RCAN2: variants seen among roughly 807,000 people sequenced by gnomAD.
RCAN2 encodes calcipressin-2.
Under a neutral mutation model 23.6 loss-of-function variants are expected in RCAN2, and 9 were observed. The observed-to-expected ratio is 0.38, with a 90% CI of 0.23 to 0.67. RCAN2 has a LOEUF of 0.67. Among genes scored for constraint, RCAN2 ranks in the 30% least tolerant of loss-of-function variants. The pLI, the probability that RCAN2 is intolerant of heterozygous loss-of-function variation, is 0.51. For missense variants in RCAN2, 273 were observed against 302.3 expected (o/e 0.90, Z 0.72); for synonymous variants, 109 against 115.7 (o/e 0.94, Z 0.37).
intron 2 of RCAN2, among the ~76,000 whole-genome samples, chr6:46,270,325 C>T (rs141614483): frequency 6.6e-6 from 1 of 152,282 alleles, no homozygotes; most frequent in East Asian, 1.9e-4. Flanking sequence ...TGGGCCTCCG[C>T]ACCATCTGGA....
intron 2 of RCAN2, among the ~76,000 whole-genome samples, chr6:46,449,069 A>G (rs1484770934): frequency 6.6e-6 from 1 of 151,876 alleles, no homozygotes; most frequent in Admixed American, 6.6e-5. Context: ...GATCTTATAC[A>G]TAGAAAACCC....
chr6:46,315,247 A>G (rs1195612982), intron 2 of RCAN2, among the ~76,000 whole-genome samples: 1 of 152,186 alleles, frequency 6.6e-6, no homozygotes, highest in African/African-American at 2.4e-5. Flanking sequence ...ATGCATCTCT[A>G]GGGATGCAGC....
At chr6:46,436,504 C>G (rs9463203) in intron 2 of RCAN2, among the ~76,000 whole-genome samples, 1 of 152,030 alleles carries the variant, frequency 6.6e-6, no homozygotes, top group Non-Finnish European at 1.5e-5. Flanking sequence ...CATGAGCCAC[C>G]GTGCCGGGCC....
intron 2 of RCAN2, among the ~76,000 whole-genome samples, chr6:46,346,818 C>G (rs1170430894): frequency 6.6e-6 from 1 of 151,654 alleles, no homozygotes; most frequent in East Asian, 1.9e-4. Flanking sequence ...CCTATAATAA[C>G]AGTAGGGAGA....
At chr6:46,264,223 T>A (rs961567848) in intron 2 of RCAN2, among the ~76,000 whole-genome samples, 21 of 152,366 alleles carry the variant, frequency 1.4e-4, no homozygotes, top group African/African-American at 4.8e-4. Context: ...ATTAAAGGGC[T>A]AAATCCTAAA....
At chr6:46,481,531 G>GATT (rs983194090) in intron 1 of RCAN2, among the ~76,000 whole-genome samples, 1 of 152,056 alleles carries the variant, frequency 6.6e-6, no homozygotes, top group Non-Finnish European at 1.5e-5. Context: ...TTCTTACTCT[G>GATT]ATTATTATTA....
chr6:46,316,493 A>C (rs1043966133), intron 2 of RCAN2, among the ~76,000 whole-genome samples: 1 of 152,186 alleles, frequency 6.6e-6, no homozygotes, highest in East Asian at 1.9e-4. Context: ...GCCCTACGTC[A>C]GCAAAGGAAG....
intron 2 of RCAN2, among the ~76,000 whole-genome samples, chr6:46,291,204 A>C (rs566255748): frequency 1.3e-4 from 20 of 152,264 alleles, no homozygotes; most frequent in African/African-American, 4.8e-4. Context: ...ATATCTTAAA[A>C]ACTCAACCAC....
intron 2 of RCAN2, among the ~76,000 whole-genome samples, chr6:46,292,310 T>G (rs572567570): frequency 1.3e-5 from 2 of 152,346 alleles, no homozygotes; most frequent in South Asian, 2.1e-4. Context: ...TTATTTCAAC[T>G]TTTTAAAAGA....
At chr6:46,245,450 T>C (rs939390131) in intron 4 of RCAN2, among the ~76,000 whole-genome samples, 2 of 152,140 alleles carry the variant, frequency 1.3e-5, no homozygotes, top group Non-Finnish European at 2.9e-5. Flanking sequence ...GCAGTGAAGG[T>C]CCTATGGCCA....
chr6:46,304,284 A>C (rs1286344541), intron 2 of RCAN2, among the ~76,000 whole-genome samples: 1 of 152,028 alleles, frequency 6.6e-6, no homozygotes, highest in African/African-American at 2.4e-5. Context: ...TTTTTCTCTT[A>C]CTGATTTTCA....
intron 2 of RCAN2, among the ~76,000 whole-genome samples, chr6:46,257,150 G>C (rs1766948059): frequency 6.6e-6 from 1 of 152,156 alleles, no homozygotes; most frequent in Non-Finnish European, 1.5e-5. Flanking sequence ...TCAATCAATA[G>C]CTTTCAGCAG....
At chr6:46,485,885 C>CA (rs1768978329) in intron 1 of RCAN2, among the ~76,000 whole-genome samples, 1 of 152,032 alleles carries the variant, frequency 6.6e-6, no homozygotes, top group South Asian at 2.1e-4. Context: ...GTTACCCCCC[C>CA]AAAAAACAAG....
chr6:46,285,024 A>G (rs1762326078), intron 2 of RCAN2, among the ~76,000 whole-genome samples: 1 of 152,180 alleles, frequency 6.6e-6, no homozygotes, highest in African/African-American at 2.4e-5. Context: ...TACACTATCT[A>G]TATATACCAT....
chr6:46,233,542 C>T lies in RCAN2; in HGVS notation c.572-10241G>A, dbSNP rs150119801. ...AGGAATCTGCAGCAGAGACCCAGAA[C>T]CTGGGGTTGAGATGAGGGCAAGGCT... On this transcript the variant is annotated intron_variant, in intron 4 of 4. Transcript: ENST00000371374. Among the ~76,000 whole-genome samples the T allele has an allele frequency of 9.3e-3, 1,417 of 152,132 alleles. 9 individuals carry two copies. Among genetic ancestry groups the T allele is most frequent in the Non-Finnish European group, 0.014 (949 of 68,000 alleles).
At chr6:46,471,558 G>A (rs1053366821) in intron 1 of RCAN2, among the ~76,000 whole-genome samples, 3 of 152,210 alleles carry the variant, frequency 2.0e-5, no homozygotes, top group South Asian at 2.1e-4. Context: ...TGTGGCAGGA[G>A]CAAGTTTAGA....
At chr6:46,448,610 C>T (rs1214015801) in intron 2 of RCAN2, among the ~76,000 whole-genome samples, 2 of 151,786 alleles carry the variant, frequency 1.3e-5, no homozygotes, top group Admixed American at 6.6e-5. Flanking sequence ...TTCAACAGCA[C>T]ATTAAAATGA....
At chr6:46,343,872 G>A (rs1176497495) in intron 2 of RCAN2, among the ~76,000 whole-genome samples, 1 of 152,130 alleles carries the variant, frequency 6.6e-6, no homozygotes, top group East Asian at 1.9e-4. Context: ...CTGGTGAGCA[G>A]ATAATCAAAA....
intron 2 of RCAN2, among the ~76,000 whole-genome samples, chr6:46,294,825 C>T (rs1359862339): frequency 6.6e-6 from 1 of 152,064 alleles, no homozygotes; most frequent in Non-Finnish European, 1.5e-5. Context: ...ATGTGTCCAA[C>T]GCATTGTCCA....
Sources: gnomAD v4.1 joint callset for allele counts (sites outside exome capture counted in the v4.1 genomes callset) on GRCh38, gnomAD v4.1.1 for gene constraint, MANE v1.5 for transcripts, NCBI Gene and HGNC (gene_info 2026-07-23, HGNC 2026-07-21) for gene names.